The following NSD1 variants were observed in gnomAD, a reference collection of about 807,000 sequenced individuals.
The protein encoded by NSD1 is histone-lysine N-methyltransferase, H3 lysine-36 specific.
NSD1 carries 26 observed loss-of-function variants against 242.7 expected under a neutral mutation model. The ratio of observed to expected loss-of-function variants is 0.11; its 90% confidence interval spans 0.08 to 0.15. The LOEUF is 0.15. NSD1 is among the 10% of genes least tolerant of loss of function. The pLI is 1.00. For synonymous variants in NSD1, 1,106 were observed against 1,178.1 expected (o/e 0.94, Z 1.25); for missense variants, 2,495 against 3,272.8 (o/e 0.76, Z 5.80).
At chr5:177,255,095 A>T (rs1242003506) in intron 12 of NSD1, among the ~76,000 whole-genome samples, 2 of 152,166 alleles carry the variant, frequency 1.3e-5, no homozygotes, top group African/African-American at 4.8e-5. Flanking sequence ...TTTTAAGGTC[A>T]GAAGTTTGAG....
At chr5:177,167,598 T>A (rs1047954154) in intron 2 of NSD1, among the ~76,000 whole-genome samples, 1 of 152,194 alleles carries the variant, frequency 6.6e-6, no homozygotes, top group Non-Finnish European at 1.5e-5. Flanking sequence ...TCCATTGGTC[T>A]ATATTTCTAC....
chr5:177,262,628 C>G (rs929695498), intron 14 of NSD1, among the ~76,000 whole-genome samples: 11 of 152,256 alleles, frequency 7.2e-5, no homozygotes, highest in Non-Finnish European at 1.3e-4. Context: ...CCTCTAATCC[C>G]AGCACTTTGG....
intron 2 of NSD1, among the ~76,000 whole-genome samples, chr5:177,162,333 G>A (rs949458888): frequency 2.0e-5 from 3 of 151,948 alleles, no homozygotes; most frequent in South Asian, 4.2e-4. Context: ...AAATGTCATC[G>A]GGTCTTTCCA....
At chr5:177,251,981 C>A in intron 12 of NSD1, 128 bp downstream of exon 12, 1 of 1,159,172 alleles carries the variant, frequency 8.6e-7, no homozygotes, top group Non-Finnish European at 1.3e-6. Context: ...AGAAATGGTG[C>A]TGTGGGGTCA....
chr5:177,133,054 TG>T, upstream of NSD1: 1 of 153,532 alleles, frequency 6.5e-6, no homozygotes, highest in Non-Finnish European at 1.5e-5. The surrounding 1 kb of genome is among the most constrained non-coding windows in gnomAD (Gnocchi z 6.2). Flanking sequence ...GTGGTGGTGG[TG>T]GTGGTGGTGT....
chr5:177,199,228 G>T (rs78168418), intron 3 of NSD1, among the ~76,000 whole-genome samples: 1 of 152,172 alleles, frequency 6.6e-6, no homozygotes, highest in Non-Finnish European at 1.5e-5. Flanking sequence ...CATGTTTAGC[G>T]TAGGCTAGGT....
intron 2 of NSD1, among the ~76,000 whole-genome samples, chr5:177,187,231 A>G (rs972189594): frequency 2.6e-5 from 4 of 151,384 alleles, no homozygotes; most frequent in Non-Finnish European, 4.4e-5. Context: ...CAACCTCCCA[A>G]GTAGCTGGGA....
chr5:177,192,132 G>A lies in NSD1; in HGVS notation c.1063+113G>A, dbSNP rs146545233. On this transcript the variant is annotated intron_variant, in intron 3 of 22. Coordinates refer to ENST00000439151, the MANE Select transcript of NSD1 (RefSeq NM_022455.5). ...CCTTGGAACATTTTGTGAATGAATT[G>A]GTGTTACATATTTTATCTTTTGGGG... The A allele has an allele frequency of 7.7e-6, 7 of 911,752 alleles. No homozygotes were observed. The East Asian group carries it at 1.4e-4, about 18-fold the overall frequency. The allele number at this position is 911,752 out of a possible 1,614,324, so 56.5% of individuals were successfully genotyped here. A position where few individuals can be genotyped will look rare whatever the true frequency, so the allele number is the denominator to read the frequency against.
At chr5:177,266,181 G>C in intron 14 of NSD1, 1 of 1,052,176 alleles carries the variant, frequency 9.5e-7, no homozygotes, top group Admixed American at 1.7e-5. Flanking sequence ...GCATGGACTC[G>C]TAGAAGAGGC....
At chr5:177,259,127 G>T (rs1446043177) in intron 13 of NSD1, among the ~76,000 whole-genome samples, 1 of 152,206 alleles carries the variant, frequency 6.6e-6, no homozygotes, top group Non-Finnish European at 1.5e-5. Flanking sequence ...GAGCCACCGC[G>T]CCTGGAAAAA....
intron 3 of NSD1, among the ~76,000 whole-genome samples, chr5:177,199,796 C>T (rs771754594): frequency 2.6e-5 from 4 of 151,650 alleles, no homozygotes; most frequent in Non-Finnish European, 4.4e-5. Context: ...GGGGTTTCAC[C>T]ATGTTGGTCA....
chr5:177,277,664 T>C (rs1425456161), intron 17 of NSD1, among the ~76,000 whole-genome samples: 1 of 151,970 alleles, frequency 6.6e-6, no homozygotes, highest in Non-Finnish European at 1.5e-5. Context: ...AAAACATATA[T>C]TTTCCAGCCT....
chr5:177,214,295 C>T (rs536099740), intron 5 of NSD1, among the ~76,000 whole-genome samples: 2 of 152,254 alleles, frequency 1.3e-5, no homozygotes, highest in Non-Finnish European at 1.5e-5. Flanking sequence ...TTGCAGTGAG[C>T]TGAGATTGCG....
Position 177,214,811 on chromosome 5 carries a change from T to G in NSD1, c.3796+2616T>G, listed in dbSNP as rs1276694988. Among the ~76,000 whole-genome samples the G allele has an allele frequency of 2.0e-5, 3 of 151,962 alleles. No individual in the cohort carries two copies. The East Asian group carries it at 5.8e-4, about 29-fold the overall frequency. ...GCCTCGTGGGTTCAAGCAATTCTCC[T>G]GCCTCAGCCTCCTAAGTAGCTTGGA... On this transcript the variant is annotated intron_variant, in intron 5 of 22. Coordinates refer to ENST00000439151, the MANE Select transcript of NSD1 (RefSeq NM_022455.5).
At chr5:177,257,510 C>T (rs942128374) in intron 13 of NSD1, among the ~76,000 whole-genome samples, 8 of 152,042 alleles carry the variant, frequency 5.3e-5, no homozygotes, top group African/African-American at 9.7e-5. Context: ...GGATTACAGG[C>T]GTGAGCCGCT....
intron 14 of NSD1, among the ~76,000 whole-genome samples, chr5:177,262,740 G>C (rs1022334587): frequency 6.6e-6 from 1 of 152,208 alleles, no homozygotes; most frequent in African/African-American, 2.4e-5. Flanking sequence ...TTAGCCAGGC[G>C]TGATGGCAGA....
intron 2 of NSD1, among the ~76,000 whole-genome samples, chr5:177,174,077 G>A (rs1264343729): frequency 1.3e-5 from 2 of 151,896 alleles, no homozygotes; most frequent in African/African-American, 4.8e-5. Flanking sequence ...CAGAAAAGAG[G>A]TTAAAAAGGC....
At chr5:177,190,201 G>A (rs1436824250) in intron 2 of NSD1, among the ~76,000 whole-genome samples, 1 of 152,032 alleles carries the variant, frequency 6.6e-6, no homozygotes, top group African/African-American at 2.4e-5. Flanking sequence ...GAGTGATCCT[G>A]TCACCTCAGC....
chr5:177,209,549 TAA>T, intron 4 of NSD1, 85 bp from the exon 5 acceptor site: 2 of 732,802 alleles, frequency 2.7e-6, no homozygotes, highest in Non-Finnish European at 4.1e-6. Flanking sequence ...AAAAAAGGAA[TAA>T]AAAAAAAAGC....
Sources: allele counts gnomAD v4.1 joint callset (sites outside exome capture counted in the v4.1 genomes callset), GRCh38; gene constraint gnomAD v4.1.1; non-coding constraint Gnocchi (gnomAD v3.1); transcripts MANE v1.5; gene names NCBI Gene and HGNC (gene_info 2026-07-23, HGNC 2026-07-21).